The following SLC10A7 variants were observed in gnomAD, a reference collection of about 807,000 sequenced individuals.
SLC10A7 encodes the protein solute carrier family 10 member 7.
A neutral mutation model predicts 43.2 loss-of-function variants in SLC10A7; 29 were observed. That is an observed-to-expected ratio of 0.67 (90% confidence interval 0.50 to 0.92). SLC10A7 has a LOEUF of 0.92. Among genes scored for constraint, SLC10A7 ranks in the 40% least tolerant of loss-of-function variants. The probability of loss-of-function intolerance (pLI) is 0.00; values close to 1 mark genes in which losing one functional copy is unlikely to be tolerated. For synonymous variants in SLC10A7, 152 were observed against 144.8 expected, an observed-to-expected ratio of 1.05 and a Z score of -0.35; for missense variants, 295 against 403.2, an observed-to-expected ratio of 0.73 and a Z score of 2.30.
At chr4:146,357,566 T>G (rs916639683) in intron 5 of SLC10A7, among the ~76,000 whole-genome samples, 1 of 152,194 alleles carries the variant, frequency 6.6e-6, no homozygotes. Context: ...ACAACCATGC[T>G]CTACCATAAG....
At chr4:146,385,275 C>T (rs918479979) in intron 5 of SLC10A7, among the ~76,000 whole-genome samples, 3 of 151,916 alleles carry the variant, frequency 2.0e-5, no homozygotes, top group Admixed American at 6.6e-5. Flanking sequence ...TTCTCTAATC[C>T]CTATAGTAAT....
At chr4:146,394,554 G>A (rs1204323014) in intron 5 of SLC10A7, among the ~76,000 whole-genome samples, 1 of 152,092 alleles carries the variant, frequency 6.6e-6, no homozygotes, top group Non-Finnish European at 1.5e-5. Flanking sequence ...TAGAGATGGG[G>A]TTTTGCCATG....
chr4:146,265,161 A>C (rs1030777), intron 10 of SLC10A7, among the ~76,000 whole-genome samples: 82,275 of 152,048 alleles, frequency 0.54, 22,427 homozygotes, highest in Admixed American at 0.62. Flanking sequence ...CTTACAACAG[A>C]TCTAGGAAGT....
chr4:146,281,410 A>G (rs1729547068), intron 10 of SLC10A7, among the ~76,000 whole-genome samples: 1 of 151,580 alleles, frequency 6.6e-6, no homozygotes, highest in Non-Finnish European at 1.5e-5. Context: ...AAAAAAAAAG[A>G]AAAATAAGAA....
intron 6 of SLC10A7, among the ~76,000 whole-genome samples, chr4:146,324,278 C>T (rs1732951308): frequency 6.6e-6 from 1 of 152,122 alleles, no homozygotes; most frequent in African/African-American, 2.4e-5. Context: ...AATGCCATCC[C>T]CATCAAGCTA....
intron 2 of SLC10A7, among the ~76,000 whole-genome samples, chr4:146,513,333 G>A (rs1321438683): frequency 6.6e-6 from 1 of 152,044 alleles, no homozygotes; most frequent in Non-Finnish European, 1.5e-5. Context: ...ATGTGTGTAT[G>A]TGTATAGATC....
intron 6 of SLC10A7, among the ~76,000 whole-genome samples, chr4:146,312,781 CTT>C (rs1732067412): frequency 6.6e-6 from 1 of 152,138 alleles, no homozygotes; most frequent in African/African-American, 2.4e-5. Flanking sequence ...TTTCTAATAA[CTT>C]TGATGGAAAC....
intron 5 of SLC10A7, among the ~76,000 whole-genome samples, chr4:146,362,730 A>G (rs1238079041): frequency 6.6e-6 from 1 of 152,112 alleles, no homozygotes; most frequent in Non-Finnish European, 1.5e-5. Flanking sequence ...ATGAATTTAA[A>G]GCATGAGATT....
chr4:146,352,606 C>G (rs1253092091), intron 5 of SLC10A7, among the ~76,000 whole-genome samples: 2 of 145,596 alleles, frequency 1.4e-5, no homozygotes, highest in East Asian at 4.0e-4. Flanking sequence ...CCACACCACA[C>G]CTATTCCAAA....
chr4:146,355,590 G>A (rs888194845), intron 5 of SLC10A7, among the ~76,000 whole-genome samples: 7 of 151,826 alleles, frequency 4.6e-5, no homozygotes, highest in African/African-American at 1.2e-4. Flanking sequence ...ACATGCACAC[G>A]TATGTTTATT....
intron 5 of SLC10A7, 141 bp from the exon 6 acceptor site, chr4:146,326,137 T>C: frequency 1.5e-6 from 1 of 665,750 alleles, no homozygotes; most frequent in Non-Finnish European, 2.6e-6. Flanking sequence ...GAGGGGAGAG[T>C]CCCAATCTTA....
At chr4:146,373,102 C>T (rs1051125428) in intron 5 of SLC10A7, among the ~76,000 whole-genome samples, 2 of 152,118 alleles carry the variant, frequency 1.3e-5, no homozygotes, top group African/African-American at 4.8e-5. Context: ...CATTATTCTA[C>T]AGAAAGGCCT....
intron 4 of SLC10A7, among the ~76,000 whole-genome samples, chr4:146,488,938 C>T (rs537865152): frequency 1.3e-5 from 2 of 152,162 alleles, no homozygotes; most frequent in African/African-American, 4.8e-5. Flanking sequence ...TATTCAAATA[C>T]ATTTCCTGTG....
At chr4:146,284,882 G>C (rs1729788957) in intron 9 of SLC10A7, among the ~76,000 whole-genome samples, 1 of 152,198 alleles carries the variant, frequency 6.6e-6, no homozygotes, top group African/African-American at 2.4e-5. Context: ...ACATACATGA[G>C]AAAGAGGAGA....
intron 5 of SLC10A7, among the ~76,000 whole-genome samples, chr4:146,389,863 T>C (rs1002703702): frequency 2.6e-5 from 4 of 152,246 alleles, no homozygotes; most frequent in African/African-American, 9.6e-5. Context: ...AAAATGCAGA[T>C]GACCATTCCT....
intron 5 of SLC10A7, among the ~76,000 whole-genome samples, chr4:146,372,458 A>G (rs1232135538): frequency 3.3e-5 from 5 of 151,412 alleles, no homozygotes; most frequent in Non-Finnish European, 7.4e-5. Context: ...TGTTTCAAAA[A>G]AAAAAAAAAA....
intron 5 of SLC10A7, among the ~76,000 whole-genome samples, chr4:146,332,892 G>T (rs2149715585): frequency 6.6e-6 from 1 of 152,290 alleles, no homozygotes; most frequent in South Asian, 2.1e-4. Context: ...GATATGTAAA[G>T]ATATGGACCT....
chr4:146,496,824 T>C (rs1481636679), intron 4 of SLC10A7, among the ~76,000 whole-genome samples: 1 of 152,202 alleles, frequency 6.6e-6, no homozygotes, highest in African/African-American at 2.4e-5. Flanking sequence ...TATAGGGATG[T>C]CAGCTATGAC....
At chr4:146,426,612 A>G (rs1461260424) in intron 5 of SLC10A7, among the ~76,000 whole-genome samples, 1 of 152,230 alleles carries the variant, frequency 6.6e-6, no homozygotes, top group Non-Finnish European at 1.5e-5. Context: ...GCAGTGGCTC[A>G]CACCTGCAAT....
Sources: gnomAD v4.1 joint callset for allele counts (sites outside exome capture counted in the v4.1 genomes callset) on GRCh38, gnomAD v4.1.1 for gene constraint, MANE v1.5 for transcripts, NCBI Gene and HGNC (gene_info 2026-07-23, HGNC 2026-07-21) for gene names.